Variants in KCNAB1 observed in about 807,000 individuals in gnomAD.
The protein encoded by KCNAB1 is voltage-gated potassium channel subunit beta-1.
A neutral mutation model predicts 64.6 loss-of-function variants in KCNAB1; 35 were observed. The observed-to-expected ratio is 0.54, with a 90% confidence interval of 0.41 to 0.72. The LOEUF (loss-of-function observed/expected upper bound fraction) is 0.72, where lower values mean the gene tolerates loss of function less well. KCNAB1 is among the 30% of genes least tolerant of loss of function. KCNAB1 has a pLI of 0.00. For missense variants in KCNAB1, 401 were observed against 512.9 expected (o/e 0.78, Z 2.11); for synonymous variants, 177 against 183.8 (o/e 0.96, Z 0.30).
At chr3:156,183,676 G>A (rs565195639) in intron 1 of KCNAB1, among the ~76,000 whole-genome samples, 25 of 152,326 alleles carry the variant, frequency 1.6e-4, no homozygotes, top group Admixed American at 1.4e-3. Flanking sequence ...GCAGGGGTTT[G>A]TAGTACAGAA....
chr3:156,452,630 G>C lies in KCNAB1; in HGVS notation c.320-269G>C, dbSNP rs1056097276. Among the ~76,000 whole-genome samples, 2 of 152,158 alleles carry C rather than the reference G, an allele frequency of 1.3e-5. 1 individual carries two copies. Among genetic ancestry groups the C allele is most frequent in the South Asian group, 4.1e-4 (2 of 4,826 alleles). ...TAGCAGAAGGGAAAGCATCTTCTAGGACAGGGCTTCCAATAGTATGTACAG... is the reference window on the plus strand; with the variant it reads ...TAGCAGAAGGGAAAGCATCTTCTAGCACAGGGCTTCCAATAGTATGTACAG... On this transcript the variant is annotated intron_variant, in intron 2 of 13. Coordinates refer to ENST00000490337, the MANE Select transcript of KCNAB1 (RefSeq NM_172160.3). This position sits in a 1 kb window ranked among gnomAD's most constrained non-coding sequence, Gnocchi z 4.6.
intron 1 of KCNAB1, among the ~76,000 whole-genome samples, chr3:156,348,972 A>G (rs1226194370): frequency 6.6e-6 from 1 of 152,180 alleles, no homozygotes; most frequent in Non-Finnish European, 1.5e-5. Flanking sequence ...CTTTTATTAG[A>G]TCATGCTATC....
At chr3:156,358,873 T>C (rs1396467195) in intron 1 of KCNAB1, among the ~76,000 whole-genome samples, 2 of 152,146 alleles carry the variant, frequency 1.3e-5, no homozygotes, top group Non-Finnish European at 2.9e-5. Flanking sequence ...CAAGAAACAG[T>C]AGAGTTTATT....
intron 8 of KCNAB1, among the ~76,000 whole-genome samples, chr3:156,498,921 A>G (rs943773121): frequency 6.6e-6 from 1 of 152,250 alleles, no homozygotes; most frequent in Non-Finnish European, 1.5e-5. Flanking sequence ...TCCTGAAGAC[A>G]AAGCAAAATC....
chr3:156,485,029 G>A (rs1715098572), intron 8 of KCNAB1, among the ~76,000 whole-genome samples: 1 of 152,052 alleles, frequency 6.6e-6, no homozygotes, highest in African/African-American at 2.4e-5. Context: ...GAGATAAGTG[G>A]AAACATGTTA....
intron 1 of KCNAB1, among the ~76,000 whole-genome samples, chr3:156,194,703 T>C (rs918273075): frequency 6.6e-6 from 1 of 152,226 alleles, no homozygotes; most frequent in African/African-American, 2.4e-5. Flanking sequence ...ATTTTAATTA[T>C]ACATATATTA....
rs909453810 is a variant in KCNAB1 at position 156,410,173 on chromosome 3, T to G, written c.276-11443T>G. On this transcript the variant is annotated intron_variant, in intron 1 of 13. Coordinates refer to ENST00000490337, the MANE Select transcript of KCNAB1 (RefSeq NM_172160.3). ...TTTTCTTCTGCTTTTATTTAATTTT[T>G]GGGTCTACTGTTCAAGGCTTCCTTA... Among the ~76,000 whole-genome samples, 6 of 152,268 alleles carry G rather than the reference T, an allele frequency of 3.9e-5. No homozygotes were observed. The East Asian group carries it at 7.7e-4, about 19-fold the overall frequency.
At chr3:156,511,775 G>T (rs1717231532) in intron 8 of KCNAB1, among the ~76,000 whole-genome samples, 1 of 152,274 alleles carries the variant, frequency 6.6e-6, no homozygotes, top group Admixed American at 6.5e-5. Flanking sequence ...GTTCTGAAAT[G>T]CAAACTATAT....
chr3:156,192,626 C>G (rs1348961628), intron 1 of KCNAB1, among the ~76,000 whole-genome samples: 1 of 151,840 alleles, frequency 6.6e-6, no homozygotes, highest in Non-Finnish European at 1.5e-5. Context: ...CTTTTTTTGG[C>G]AATTCTATCA....
chr3:156,291,820 A>G, intron 1 of KCNAB1: 1 of 1,590,444 alleles, frequency 6.3e-7, no homozygotes, highest in East Asian at 2.3e-5. Context: ...GCTTAAAAGA[A>G]AAGCAGAAAT....
intron 1 of KCNAB1, among the ~76,000 whole-genome samples, chr3:156,224,462 A>C (rs972048888): frequency 6.6e-6 from 1 of 152,266 alleles, no homozygotes; most frequent in African/African-American, 2.4e-5. Context: ...GAGGGCTGCG[A>C]GGGCTGCCAG....
At chr3:156,429,309 T>A (rs1177623161) in intron 2 of KCNAB1, among the ~76,000 whole-genome samples, 2 of 152,216 alleles carry the variant, frequency 1.3e-5, no homozygotes, top group African/African-American at 4.8e-5. Flanking sequence ...CCCGCAGATC[T>A]AGGCCTGGGA....
chr3:156,481,098 T>C (rs1714763074), intron 8 of KCNAB1, among the ~76,000 whole-genome samples: 1 of 152,106 alleles, frequency 6.6e-6, no homozygotes. Context: ...ACTTACATGC[T>C]GTTTCTCATC....
At chr3:156,195,163 A>G (rs1367342780) in intron 1 of KCNAB1, among the ~76,000 whole-genome samples, 1 of 151,936 alleles carries the variant, frequency 6.6e-6, no homozygotes, top group Non-Finnish European at 1.5e-5. Flanking sequence ...TATGTGCCAC[A>G]TTTTCTTTAT....
At chr3:156,431,234 T>G (rs1194942106) in intron 2 of KCNAB1, among the ~76,000 whole-genome samples, 1 of 152,230 alleles carries the variant, frequency 6.6e-6, no homozygotes, top group Non-Finnish European at 1.5e-5. Context: ...GCACATCTTG[T>G]GTATATACAA....
chr3:156,211,354 A>G (rs923644900), intron 1 of KCNAB1, among the ~76,000 whole-genome samples: 61 of 152,232 alleles, frequency 4.0e-4, no homozygotes, highest in Admixed American at 3.9e-3. Flanking sequence ...ATTATCTGCA[A>G]TGGTTAATAT....
chr3:156,184,481 C>A (rs967321765), intron 1 of KCNAB1, among the ~76,000 whole-genome samples: 5 of 152,082 alleles, frequency 3.3e-5, no homozygotes, highest in African/African-American at 1.2e-4. Context: ...AAGAAGGAGA[C>A]CCTGCAAGGT....
chr3:156,200,118 C>T (rs1251107423), intron 1 of KCNAB1, among the ~76,000 whole-genome samples: 1 of 152,198 alleles, frequency 6.6e-6, no homozygotes, highest in Non-Finnish European at 1.5e-5. Flanking sequence ...GAGTTCCACT[C>T]CAGACCCTGT....
rs1394037647 is a variant in KCNAB1, at chr3:156,287,323, C to T, written c.276-134293C>T. On this transcript the variant is annotated intron_variant, in intron 1 of 13. Transcript: ENST00000490337. ...GTGTAGGAGTAAGTCATTATTTGGCCCCGTGCAATGTTGCAACCTCCGTAT... is the reference window on the plus strand; with the variant it reads ...GTGTAGGAGTAAGTCATTATTTGGCTCCGTGCAATGTTGCAACCTCCGTAT... 4.7e-5 allele frequency among the ~76,000 whole-genome samples: 7 copies of T among 149,846 alleles called. No homozygotes were observed. The East Asian group carries it at 1.2e-3, about 25-fold the overall frequency.
Sources: allele counts gnomAD v4.1 joint callset (sites outside exome capture counted in the v4.1 genomes callset), GRCh38; gene constraint gnomAD v4.1.1; non-coding constraint Gnocchi (gnomAD v3.1); transcripts MANE v1.5; gene names NCBI Gene and HGNC (gene_info 2026-07-23, HGNC 2026-07-21).